Variants in ATXN7L1 observed in about 807,000 individuals in gnomAD.
The protein encoded by ATXN7L1 is ataxin-7-like protein 1.
Under a neutral mutation model 70.8 loss-of-function variants are expected in ATXN7L1, and 15 were observed. That is an observed-to-expected ratio of 0.21 (90% CI 0.14 to 0.33). The LOEUF (loss-of-function observed/expected upper bound fraction) is 0.33, where lower values mean the gene tolerates loss of function less well. Among genes scored for constraint, ATXN7L1 ranks in the 10% least tolerant of loss-of-function variants. The probability of loss-of-function intolerance (pLI) is 1.00; values close to 1 mark genes in which losing one functional copy is unlikely to be tolerated. For synonymous variants in ATXN7L1, 440 were observed against 445.1 expected, an observed-to-expected ratio of 0.99 and a Z score of 0.14; for missense variants, 975 against 1,097.1, an observed-to-expected ratio of 0.89 and a Z score of 1.57.
chr7:105,693,580 CATCT>C (rs1425253053), intron 3 of ATXN7L1, among the ~76,000 whole-genome samples: 2 of 53,872 alleles, frequency 3.7e-5, no homozygotes, highest in South Asian at 5.4e-4. Flanking sequence ...TCCATCCATC[CATCT>C]AATTTGAAGA....
chr7:105,861,343 C>G (rs1169940428), intron 2 of ATXN7L1, among the ~76,000 whole-genome samples: 1 of 151,894 alleles, frequency 6.6e-6, no homozygotes. Context: ...AGGGAAGATA[C>G]AGACAGGAAG....
chr7:105,871,611 G>A (rs1317343153), intron 2 of ATXN7L1, among the ~76,000 whole-genome samples: 1 of 151,890 alleles, frequency 6.6e-6, no homozygotes, highest in East Asian at 1.9e-4. Flanking sequence ...TTGGGAGGCT[G>A]AGAAAGGAGA....
At chr7:105,716,946 A>G (rs1344822601) in intron 3 of ATXN7L1, among the ~76,000 whole-genome samples, 2 of 152,132 alleles carry the variant, frequency 1.3e-5, no homozygotes, top group African/African-American at 4.8e-5. Flanking sequence ...AGTGTATGAT[A>G]AAGATTTTAG....
At position 105,604,859 on chromosome 7, in the gene ATXN7L1, G is replaced by A. The variant is rs1792687030; in HGVS notation, c.*2993C>T. Among the ~76,000 whole-genome samples the A allele has an allele frequency of 6.6e-6, 1 of 152,070 alleles. No individual in the cohort carries two copies. The highest frequency in any genetic ancestry group is 6.6e-5 in the Admixed American group (1 of 15,266). On this transcript the variant is annotated 3_prime_UTR_variant, in exon 12 of 12. Transcript: ENST00000419735. ...GAGTTTTGTTAAAGTGCCATGGGCC[G>A]ACAGCATAACAAAATATAAGGTGTA...
At chr7:105,801,504 A>G (rs1806814293) in intron 2 of ATXN7L1, among the ~76,000 whole-genome samples, 2 of 152,222 alleles carry the variant, frequency 1.3e-5, no homozygotes, top group South Asian at 4.1e-4. Flanking sequence ...GATCACTACT[A>G]AAGTGGAGAC....
At chr7:105,838,402 C>G (rs760607315) in intron 2 of ATXN7L1, among the ~76,000 whole-genome samples, 24 of 152,232 alleles carry the variant, frequency 1.6e-4, no homozygotes, top group Non-Finnish European at 2.9e-4. Flanking sequence ...AAAAGCATTT[C>G]AATCATTCAC....
intron 2 of ATXN7L1, among the ~76,000 whole-genome samples, chr7:105,841,564 G>T (rs1390224635): frequency 6.6e-6 from 1 of 151,982 alleles, no homozygotes; most frequent in Non-Finnish European, 1.5e-5. Context: ...GATCCATATT[G>T]TCTATTCCAC....
chr7:105,788,587 T>C lies in ATXN7L1; in HGVS notation c.355+17A>G. 4 of 1,587,082 alleles carry C rather than the reference T, an allele frequency of 2.5e-6. No individual in the cohort carries two copies. The South Asian group carries it at 3.3e-5, about 13-fold the overall frequency. ...CGGCAGCTGCAGATGTGGCCGACGGTGCAGGGGTCCACTTACCGCAGTGCG... is the reference window on the plus strand; with the variant it reads ...CGGCAGCTGCAGATGTGGCCGACGGCGCAGGGGTCCACTTACCGCAGTGCG... On this transcript the variant is annotated intron_variant, in intron 3 of 11. Transcript: ENST00000419735.
intron 3 of ATXN7L1, among the ~76,000 whole-genome samples, chr7:105,721,744 C>T (rs767523647): frequency 6.6e-6 from 1 of 152,234 alleles, no homozygotes; most frequent in Non-Finnish European, 1.5e-5. Flanking sequence ...CTCAGCCTGG[C>T]TGCTCTGCCC....
chr7:105,874,123 C>T (rs934235982), intron 2 of ATXN7L1, among the ~76,000 whole-genome samples: 1 of 72,002 alleles, frequency 1.4e-5, no homozygotes, highest in Non-Finnish European at 3.0e-5. Context: ...GAATCCGTAT[C>T]AAAAAAAAAA....
At chr7:105,778,677 T>C (rs1803121803) in intron 3 of ATXN7L1, among the ~76,000 whole-genome samples, 1 of 152,202 alleles carries the variant, frequency 6.6e-6, no homozygotes, top group Non-Finnish European at 1.5e-5. Flanking sequence ...TTTCACTGAA[T>C]GGAGGAAATT....
intron 3 of ATXN7L1, among the ~76,000 whole-genome samples, chr7:105,764,788 C>CA (rs1250587570): frequency 5.3e-5 from 8 of 152,036 alleles, no homozygotes; most frequent in Middle Eastern, 3.4e-3. Flanking sequence ...GGAGGCACAT[C>CA]AAAATTTTTT....
chr7:105,682,614 G>A (rs1215130586), intron 3 of ATXN7L1, among the ~76,000 whole-genome samples: 1 of 152,172 alleles, frequency 6.6e-6, no homozygotes, highest in Non-Finnish European at 1.5e-5. Context: ...AAGGAATGAA[G>A]CATGATACAT....
At chr7:105,694,367 C>T (rs868018999) in intron 3 of ATXN7L1, among the ~76,000 whole-genome samples, 1 of 152,122 alleles carries the variant, frequency 6.6e-6, no homozygotes, top group Admixed American at 6.5e-5. Context: ...CTTCAATCAG[C>T]CCTGTCCTTG....
intron 1 of ATXN7L1, 98 bp downstream of exon 1, chr7:105,876,280 C>A: frequency 7.2e-7 from 1 of 1,382,042 alleles, no homozygotes; most frequent in South Asian, 1.5e-5. Context: ...ACACCGGGGG[C>A]CACTCTCTCT....
At chr7:105,620,896 GA>G (rs10656477) in intron 8 of ATXN7L1, among the ~76,000 whole-genome samples, 6 of 144,806 alleles carry the variant, frequency 4.1e-5, no homozygotes, top group East Asian at 2.0e-4. Context: ...CTGTCTCAGA[GA>G]AAAAAAAAAA....
At chr7:105,788,770 G>C (rs2116481875) in intron 2 of ATXN7L1, 62 bp from the exon 3 acceptor site, 1 of 1,323,180 alleles carries the variant, frequency 7.6e-7, no homozygotes, top group Non-Finnish European at 1.1e-6. Context: ...AAGGTGTACA[G>C]TTTCCTCTTG....
intron 4 of ATXN7L1, among the ~76,000 whole-genome samples, chr7:105,659,884 CTT>C (rs1051574520): frequency 6.8e-6 from 1 of 147,380 alleles, no homozygotes; most frequent in Non-Finnish European, 1.5e-5. Context: ...TTTTCTCTTT[CTT>C]TTTTTTTTTG....
intron 2 of ATXN7L1, among the ~76,000 whole-genome samples, chr7:105,801,635 A>G (rs532317402): frequency 1.3e-5 from 2 of 151,686 alleles, no homozygotes; most frequent in East Asian, 3.9e-4. Context: ...TACACCTGGC[A>G]CATGGTTCAG....
Sources: allele counts gnomAD v4.1 joint callset (sites outside exome capture counted in the v4.1 genomes callset), GRCh38; gene constraint gnomAD v4.1.1; transcripts MANE v1.5; gene names NCBI Gene and HGNC (gene_info 2026-07-23, HGNC 2026-07-21).